INPP5D: variants seen among roughly 807,000 people sequenced by gnomAD.
INPP5D encodes inositol polyphosphate-5-phosphatase D.
In INPP5D, 33 loss-of-function variants were observed where a neutral mutation model predicts 122.9. The ratio of observed to expected loss-of-function variants is 0.27; its 90% CI spans 0.20 to 0.36. The LOEUF is 0.36. Among genes scored for constraint, INPP5D ranks in the 10% least tolerant of loss-of-function variants. INPP5D has a pLI of 1.00. For missense variants in INPP5D, 1,053 were observed against 1,412.7 expected (o/e 0.75, Z 4.08); for synonymous variants, 584 against 576.2 (o/e 1.01, Z -0.19).
At chr2:233,135,773 T>TC (rs1693452195) in intron 5 of INPP5D, among the ~76,000 whole-genome samples, 1 of 152,046 alleles carries the variant, frequency 6.6e-6, no homozygotes, top group Non-Finnish European at 1.5e-5. Context: ...TTCAGAAAGT[T>TC]CCTAAAAATG....
At chr2:233,190,056 C>A in intron 22 of INPP5D, 119 bp downstream of exon 22, 1 of 1,445,234 alleles carries the variant, frequency 6.9e-7, no homozygotes, top group Non-Finnish European at 9.2e-7. Context: ...CTCCTTTCCT[C>A]ATCCCAGGGC....
At chr2:233,112,394 CTGTT>C (rs1268195626) in intron 2 of INPP5D, among the ~76,000 whole-genome samples, 1 of 152,170 alleles carries the variant, frequency 6.6e-6, no homozygotes, top group Admixed American at 6.5e-5. Context: ...GCTCCTGTAT[CTGTT>C]TGACAAATCG....
intron 9 of INPP5D, among the ~76,000 whole-genome samples, chr2:233,157,377 A>C (rs1694082228): frequency 1.3e-5 from 2 of 152,236 alleles, no homozygotes; most frequent in Admixed American, 1.3e-4. Flanking sequence ...GAACTGATGA[A>C]AGTAGTTGGT....
Position 233,149,349 on chromosome 2 carries a change from C to T in INPP5D, c.1030+1755C>T, listed in dbSNP as rs139514935. ...CTCCTGACCACAAGTGATCCACCCG[C>T]CTTGGCTTCCTAAAGTGCTGGGATT... On this transcript the variant is annotated intron_variant, in intron 9 of 26. Coordinates refer to ENST00000445964, the MANE Select transcript of INPP5D (RefSeq NM_001017915.3). Among the ~76,000 whole-genome samples, 420 of 152,268 alleles carry T rather than the reference C, an allele frequency of 2.8e-3. 4 individuals are homozygous for T. The highest frequency in any genetic ancestry group is 0.028 in the East Asian group (143 of 5,186).
At chr2:233,107,230 C>A (rs1363048066) in intron 2 of INPP5D, among the ~76,000 whole-genome samples, 1 of 152,136 alleles carries the variant, frequency 6.6e-6, no homozygotes, top group African/African-American at 2.4e-5. Context: ...AGGGACCCAG[C>A]CTGGGGAGGA....
intron 1 of INPP5D, among the ~76,000 whole-genome samples, chr2:233,065,316 T>A (rs1691182536): frequency 1.3e-5 from 2 of 148,422 alleles, no homozygotes; most frequent in African/African-American, 5.0e-5. Context: ...GGTTTTTTTT[T>A]TTTTTTTTTT....
rs147030167 is a variant in INPP5D at position 233,149,033 on chromosome 2, T to A, written c.1030+1439T>A. Among the ~76,000 whole-genome samples, 418 of 152,228 alleles carry A rather than the reference T, an allele frequency of 2.7e-3. 4 individuals carry two copies. In the East Asian group the frequency reaches 0.028, roughly 10 times the overall value. The stretch of plus-strand genomic sequence containing the variant: ...CTTATATGCAACAATGATTCACAGT[T>A]TTTCTGAAGTTCAAATTTAACTGGG... On this transcript the variant is annotated intron_variant, in intron 9 of 26. Transcript: ENST00000445964.
intron 5 of INPP5D, among the ~76,000 whole-genome samples, chr2:233,132,281 T>C (rs947025854): frequency 2.0e-5 from 3 of 152,250 alleles, no homozygotes; most frequent in Non-Finnish European, 4.4e-5. Flanking sequence ...TTTAAGTCTC[T>C]CCACGAGGCT....
rs918053043 is a variant in INPP5D, at chr2:233,160,545, G to A, written c.1138-1179G>A. 3.9e-5 allele frequency among the ~76,000 whole-genome samples: 6 copies of A among 152,168 alleles called. No individual in the cohort carries two copies. In the East Asian group the frequency reaches 7.7e-4, roughly 20 times the overall value. On this transcript the variant is annotated intron_variant, in intron 10 of 26. Coordinates refer to ENST00000445964, the MANE Select transcript of INPP5D (RefSeq NM_001017915.3). This position sits in a 1 kb window ranked among gnomAD's most constrained non-coding sequence, Gnocchi z 4.2. The stretch of plus-strand genomic sequence containing the variant: ...GCAAATGTTTAAAATAAAAACACTC[G>A]TATACCATGAGTTAATCTGGGACTA...
chr2:233,110,926 T>C (rs1256446004), intron 2 of INPP5D, among the ~76,000 whole-genome samples: 1 of 131,334 alleles, frequency 7.6e-6, no homozygotes, highest in Non-Finnish European at 1.6e-5. Context: ...CTCCGTCTCT[T>C]AAAAAAAAAA....
Position 233,060,584 on chromosome 2 carries a change from A to T in INPP5D, c.106A>T (p.Ile36Phe). 2 of 1,613,998 alleles carry T rather than the reference A, an allele frequency of 1.2e-6. No homozygotes were observed. Among genetic ancestry groups the T allele is most frequent in the Non-Finnish European group, 1.7e-6 (2 of 1,179,858 alleles). The part of the protein sequence containing the change: ...GSFLVRASES[I>F]SRAYALCVLY... ...CTTCCTCGTGCGTGCCAGCGAGTCC[A>T]TCTCCCGGGCATACGCGCTCTGCGT... The change falls in exon 1 of 27, where the codon ATC becomes TTC. Residue 36 changes from isoleucine to phenylalanine, a missense_variant. Ile to Phe is a conservative substitution (Grantham distance 21). Around this residue, in one of 6 missense-constraint regions of INPP5D, gnomAD observed 74 missense variants for 146.6 expected, o/e 0.50. Coordinates refer to ENST00000445964, the MANE Select transcript of INPP5D (RefSeq NM_001017915.3).
Position 233,113,945 on chromosome 2 carries a change from C to A in INPP5D, c.199-8162C>A, listed in dbSNP as rs926126300. ...TTTTTGAGACGGAGTCTCGCTCTGTCGCCCAGGCTGGATGGAGTGCAGTGG... is the reference window on the plus strand; with the variant it reads ...TTTTTGAGACGGAGTCTCGCTCTGTAGCCCAGGCTGGATGGAGTGCAGTGG... On this transcript the variant is annotated intron_variant, in intron 2 of 26. Transcript: ENST00000445964. Among the ~76,000 whole-genome samples, 3 of 136,840 alleles carry A rather than the reference C, an allele frequency of 2.2e-5. No individual in the cohort carries two copies. The Admixed American group carries it at 2.2e-4, about 10-fold the overall frequency. 89.8% of individuals were successfully genotyped at this position (136,840 alleles called of 152,430 possible).
At chr2:233,171,533 T>C (rs1212804822) in intron 17 of INPP5D, among the ~76,000 whole-genome samples, 2 of 152,248 alleles carry the variant, frequency 1.3e-5, no homozygotes, top group East Asian at 1.9e-4. Flanking sequence ...AGAGCTTTTA[T>C]GGGCCCAAGA....
rs1227464303 is a variant in INPP5D, at chr2:233,195,334, C to A, written c.2597-65C>A. The A allele has an allele frequency of 8.1e-6, 13 of 1,610,310 alleles. No individual in the cohort carries two copies. In the East Asian group the frequency reaches 2.5e-4, roughly 30 times the overall value. On this transcript the variant is annotated intron_variant, in intron 23 of 26. Coordinates refer to ENST00000445964, the MANE Select transcript of INPP5D (RefSeq NM_001017915.3). ...CAGCCTGCAAATGGAAACCCCTTTG[C>A]CATCCCTCGCCTAAGCTCTGGAAGC...
chr2:233,164,364 G>A lies in INPP5D; in HGVS notation c.1495G>A (p.Glu499Lys), dbSNP rs1694271926. The A allele has an allele frequency of 6.4e-7, 1 of 1,552,886 alleles. No individual in the cohort carries two copies. Among genetic ancestry groups the A allele is most frequent in the Non-Finnish European group, 8.7e-7 (1 of 1,147,768 alleles). ...CGTGGTGCTGGCCAAGCCTGAGCAC[G>A]AGAACCGGATCAGCCACATCTGTAC... ...RIVVLAKPEH[E>K]NRISHICTDN... The change falls in exon 13 of 27, where the codon GAG becomes AAG. Residue 499 changes from glutamate to lysine, a missense_variant. Glu to Lys is a moderately conservative substitution (Grantham distance 56). This residue lies in a region of INPP5D where 105 missense variants were observed against 199.8 expected (regional missense o/e 0.53). Coordinates refer to ENST00000445964, the MANE Select transcript of INPP5D (RefSeq NM_001017915.3). This position sits in a 1 kb window ranked among gnomAD's most constrained non-coding sequence, Gnocchi z 4.3.
At chr2:233,060,744 C>A (rs1278016624) in intron 1 of INPP5D, 132 bp downstream of exon 1, 20 of 1,263,608 alleles carry the variant, frequency 1.6e-5, no homozygotes, top group Non-Finnish European at 2.2e-5. Context: ...GCCACCCTGT[C>A]ATGGACCTTG....
chr2:233,203,291 G>A (rs572165601), intron 25 of INPP5D, among the ~76,000 whole-genome samples: 16 of 152,304 alleles, frequency 1.1e-4, no homozygotes, highest in East Asian at 3.9e-4. Context: ...GGGAGGAACC[G>A]GGAAAGGAGG....
At chr2:233,112,519 C>CTA (rs1692660372) in intron 2 of INPP5D, among the ~76,000 whole-genome samples, 4 of 152,296 alleles carry the variant, frequency 2.6e-5, no homozygotes, top group Middle Eastern at 3.4e-3. Flanking sequence ...TCTCAAGGAG[C>CTA]ACTGGCTATC....
Position 233,193,916 on chromosome 2 carries a change from A to G in INPP5D, c.2551A>G (p.Ile851Val). 6.2e-7 allele frequency: 1 copy of G among 1,613,472 alleles called. No individual in the cohort carries two copies. Among genetic ancestry groups the G allele is most frequent in the Non-Finnish European group, 8.5e-7 (1 of 1,179,580 alleles). ...GTTGACAGGCCACTTCCAGGGGGAG[A>G]TCAAGCTGCAGACCTCTCAGGGCAA... ...GELTGHFQGE[I>V]KLQTSQGKTR... Residue 851 changes from isoleucine (I) to valine (V), a missense_variant, in exon 23 of 27, where the codon ATC becomes GTC. Around this residue, in one of 6 missense-constraint regions of INPP5D, gnomAD observed 258 missense variants for 439.1 expected, o/e 0.59. Transcript: ENST00000445964.
Sources: allele counts gnomAD v4.1 joint callset (sites outside exome capture counted in the v4.1 genomes callset), GRCh38; gene constraint gnomAD v4.1.1; regional missense constraint gnomAD v4.1.1; non-coding constraint Gnocchi (gnomAD v3.1); transcripts MANE v1.5; gene names NCBI Gene and HGNC (gene_info 2026-07-23, HGNC 2026-07-21).